SLC25A21: variants seen among roughly 807,000 people sequenced by gnomAD.
SLC25A21 encodes mitochondrial 2-oxodicarboxylate carrier.
In SLC25A21, 47 loss-of-function variants were observed where a neutral mutation model predicts 43.8. That is an observed-to-expected ratio of 1.07 (90% confidence interval 0.85 to 1.37). The LOEUF (loss-of-function observed/expected upper bound fraction) is 1.37, where lower values mean the gene tolerates loss of function less well. Ranked by LOEUF, SLC25A21 falls within the 40% of genes most tolerant of loss-of-function variation. SLC25A21 has a pLI of 0.00. For synonymous variants in SLC25A21, 131 were observed against 121.3 expected (o/e 1.08, Z -0.52); for missense variants, 352 against 350.2 (o/e 1.00, Z -0.04).
In SLC25A21 at chr14:36,684,734, G is replaced by A. The variant is rs1408464804; in HGVS notation, c.785+10C>T. 6.3e-7 allele frequency: 1 copy of A among 1,594,816 alleles called. No individual in the cohort carries two copies. Among genetic ancestry groups the A allele is most frequent in the East Asian group, 2.2e-5 (1 of 44,664 alleles). ...CATACATTTATTAAAATAAGAATGTGTTATGTTACCCTTCTTCCTGATAGA... is the reference window on the plus strand; with the variant it reads ...CATACATTTATTAAAATAAGAATGTATTATGTTACCCTTCTTCCTGATAGA... On this transcript the variant is annotated intron_variant, in intron 8 of 9. Coordinates refer to ENST00000331299, the MANE Select transcript of SLC25A21 (RefSeq NM_030631.4).
chr14:36,813,332 A>G (rs1379019592), intron 3 of SLC25A21, among the ~76,000 whole-genome samples: 1 of 151,752 alleles, frequency 6.6e-6, no homozygotes, highest in Non-Finnish European at 1.5e-5. Flanking sequence ...TTATTTGATC[A>G]TTTAATAGAT....
chr14:36,893,029 C>A (rs1420123110), intron 1 of SLC25A21, among the ~76,000 whole-genome samples: 8 of 152,000 alleles, frequency 5.3e-5, no homozygotes, highest in African/African-American at 9.7e-5. Context: ...GTGTCTTTAG[C>A]GCAGCATGAT....
chr14:36,704,866 T>C (rs1566516467), intron 7 of SLC25A21, among the ~76,000 whole-genome samples: 1 of 152,118 alleles, frequency 6.6e-6, no homozygotes, highest in Non-Finnish European at 1.5e-5. Context: ...AAATGGCAGT[T>C]ATTGTGACAA....
At chr14:36,863,789 G>A (rs142721760) in intron 2 of SLC25A21, among the ~76,000 whole-genome samples, 2,516 of 152,330 alleles carry the variant, frequency 0.017, 41 homozygotes, top group Middle Eastern at 0.048. Context: ...AGCAGCAGCA[G>A]AAGTGGGCGT....
rs868188568 is a variant in SLC25A21 at position 37,009,153 on chromosome 14, T to C, written c.71-134149A>G. Among the ~76,000 whole-genome samples the C allele has an allele frequency of 9.2e-5, 14 of 152,276 alleles. No homozygotes were observed. The Middle Eastern group carries it at 0.014, about 148-fold the overall frequency. On this transcript the variant is annotated intron_variant, in intron 1 of 9. Coordinates refer to ENST00000331299, the MANE Select transcript of SLC25A21 (RefSeq NM_030631.4). ...GCCTAGATTCTATTCATTTATCTTATTAATAGGCTTAATGTTTTTCTTTGA... is the reference window on the plus strand; with the variant it reads ...GCCTAGATTCTATTCATTTATCTTACTAATAGGCTTAATGTTTTTCTTTGA...
At chr14:37,153,462 G>A (rs1393936192) in intron 1 of SLC25A21, among the ~76,000 whole-genome samples, 1 of 152,244 alleles carries the variant, frequency 6.6e-6, no homozygotes, top group East Asian at 1.9e-4. Context: ...ATGTAAGTGA[G>A]CAGAATGAGT....
At chr14:37,043,940 G>GTGTTTTT (rs1961530834) in intron 1 of SLC25A21, among the ~76,000 whole-genome samples, 1 of 56,768 alleles carries the variant, frequency 1.8e-5, no homozygotes, top group Non-Finnish European at 3.6e-5. Context: ...ATGTTTTTTT[G>GTGTTTTT]TTTTTTTTTT....
At chr14:36,808,281 C>T (rs1454491495) in intron 3 of SLC25A21, among the ~76,000 whole-genome samples, 1 of 152,098 alleles carries the variant, frequency 6.6e-6, no homozygotes, top group African/African-American at 2.4e-5. Flanking sequence ...GGATGAAAAT[C>T]GACTGACTGA....
chr14:36,884,331 G>T (rs1440617407), intron 1 of SLC25A21, among the ~76,000 whole-genome samples: 5 of 152,086 alleles, frequency 3.3e-5, no homozygotes, highest in Admixed American at 6.6e-5. Flanking sequence ...CTTTTTCAGG[G>T]CTGAAGAGTA....
chr14:37,041,380 T>C (rs141077801), intron 1 of SLC25A21, among the ~76,000 whole-genome samples: 186 of 152,198 alleles, frequency 1.2e-3, no homozygotes, highest in African/African-American at 4.4e-3. Context: ...CAAAGCTGGG[T>C]GCAGTGGTGT....
At chr14:36,935,332 G>C (rs747685198) in intron 1 of SLC25A21, among the ~76,000 whole-genome samples, 2 of 152,116 alleles carry the variant, frequency 1.3e-5, no homozygotes, top group Non-Finnish European at 2.9e-5. Flanking sequence ...CCAGGCATGG[G>C]ACTGACCCAG....
intron 1 of SLC25A21, among the ~76,000 whole-genome samples, chr14:36,969,455 G>A (rs1348633423): frequency 6.6e-6 from 1 of 152,064 alleles, no homozygotes; most frequent in Non-Finnish European, 1.5e-5. Flanking sequence ...CTGAGTATTA[G>A]GGCCCAAGGA....
At chr14:36,734,426 T>C in intron 4 of SLC25A21, 81 bp downstream of exon 4, 1 of 960,482 alleles carries the variant, frequency 1.0e-6, no homozygotes, top group East Asian at 2.8e-5. Flanking sequence ...ATATAATTCA[T>C]TTTAATGTCT....
chr14:37,081,723 C>A (rs1348627615), intron 1 of SLC25A21, among the ~76,000 whole-genome samples: 1 of 152,170 alleles, frequency 6.6e-6, no homozygotes, highest in African/African-American at 2.4e-5. Flanking sequence ...TGCACTTCAA[C>A]TACCGAAGCT....
intron 1 of SLC25A21, among the ~76,000 whole-genome samples, chr14:37,129,067 T>C (rs557400399): frequency 1.3e-5 from 2 of 152,198 alleles, no homozygotes; most frequent in Non-Finnish European, 2.9e-5. Context: ...GGCCAGTAGC[T>C]ACTGTATCGA....
At chr14:36,992,623 A>G (rs1240188481) in intron 1 of SLC25A21, among the ~76,000 whole-genome samples, 1 of 152,150 alleles carries the variant, frequency 6.6e-6, no homozygotes, top group Non-Finnish European at 1.5e-5. Context: ...GGTGGCTTGG[A>G]GAAGAGGACT....
intron 1 of SLC25A21, among the ~76,000 whole-genome samples, chr14:36,896,603 C>T (rs1273006777): frequency 6.6e-6 from 1 of 152,126 alleles, no homozygotes; most frequent in Non-Finnish European, 1.5e-5. Context: ...GGTTATTTTG[C>T]TGATTAATTG....
At chr14:37,060,951 C>G (rs1310064507) in intron 1 of SLC25A21, among the ~76,000 whole-genome samples, 1 of 152,110 alleles carries the variant, frequency 6.6e-6, no homozygotes, top group Non-Finnish European at 1.5e-5. Context: ...TAGAGCTGCC[C>G]TTACTACTTC....
intron 3 of SLC25A21, among the ~76,000 whole-genome samples, chr14:36,767,647 C>T (rs1187876371): frequency 6.6e-6 from 1 of 152,182 alleles, no homozygotes; most frequent in African/African-American, 2.4e-5. Context: ...AATCCCAGGC[C>T]TGCACTTACT....
Sources: allele counts gnomAD v4.1 joint callset (sites outside exome capture counted in the v4.1 genomes callset), GRCh38; gene constraint gnomAD v4.1.1; transcripts MANE v1.5; gene names NCBI Gene and HGNC (gene_info 2026-07-23, HGNC 2026-07-21).